Variants in ZNF700 observed in about 807,000 individuals in gnomAD.
The protein encoded by ZNF700 is zinc finger protein 700.
Under a neutral mutation model 65.3 loss-of-function variants are expected in ZNF700, and 38 were observed. The ratio of observed to expected loss-of-function variants is 0.58; its 90% CI spans 0.45 to 0.76. The LOEUF (loss-of-function observed/expected upper bound fraction) is 0.76. Ranked by LOEUF, ZNF700 falls within the 30% of genes least tolerant of loss-of-function variation. The pLI, the probability that ZNF700 is intolerant of heterozygous loss-of-function variation, is 0.00. For synonymous variants in ZNF700, 285 were observed against 290.4 expected, an observed-to-expected ratio of 0.98 and a Z score of 0.19; for missense variants, 857 against 888.4, an observed-to-expected ratio of 0.96 and a Z score of 0.45.
Position 11,949,013 on chromosome 19 carries a change from G to C in ZNF700, c.989G>C (p.Gly330Ala). Residue 330 changes from glycine (G) to alanine (A), a missense_variant, in exon 4 of 4, where the codon GGG becomes GCG. This residue lies in a region of ZNF700 where 603 missense variants were observed against 619.9 expected (regional missense o/e 0.97). Coordinates refer to ENST00000254321, the MANE Select transcript of ZNF700 (RefSeq NM_144566.3). Reference sequence around the variant, plus strand: ...CGTAGACATGAAAGGACCCACTCTGGGAAAAAACCGTATGAATGTAAGCAA... The same window carrying C: ...CGTAGACATGAAAGGACCCACTCTGCGAAAAAACCGTATGAATGTAAGCAA... ...SLRRHERTHSGKKPYECKQYG... is the reference protein window; with the variant it reads ...SLRRHERTHSAKKPYECKQYG... 6.2e-7 allele frequency: 1 copy of C among 1,605,330 alleles called. No individual in the cohort carries two copies. Among genetic ancestry groups the C allele is most frequent in the Non-Finnish European group, 8.5e-7 (1 of 1,178,140 alleles).
chr19:11,950,047 C>T lies in ZNF700; in HGVS notation c.2023C>T (p.Pro675Ser), dbSNP rs1284886612. The T allele has an allele frequency of 1.9e-6, 3 of 1,614,002 alleles. No homozygotes were observed. Among genetic ancestry groups the T allele is most frequent in the Non-Finnish European group, 1.7e-6 (2 of 1,180,016 alleles). Residue 675 changes from proline to serine, a missense_variant, in exon 4 of 4, where the codon CCC (proline) becomes TCC (serine). By Grantham distance (74) the Pro-to-Ser change is moderately conservative. Around this residue, in one of 3 missense-constraint regions of ZNF700, gnomAD observed 251 missense variants for 250.3 expected, o/e 1.00. Coordinates refer to ENST00000254321, the MANE Select transcript of ZNF700 (RefSeq NM_144566.3). Reference sequence around the variant, plus strand: ...TGAAAGGAAGCACAGAGGAGAGAAGCCCTATGAATGTAAGCATTGTGGGAA... The same window carrying T: ...TGAAAGGAAGCACAGAGGAGAGAAGTCCTATGAATGTAAGCATTGTGGGAA... ...IHERKHRGEK[P>S]YECKHCGNGF...
At chr19:11,944,167 G>C (rs115481328) in intron 1 of ZNF700, among the ~76,000 whole-genome samples, 1 of 152,138 alleles carries the variant, frequency 6.6e-6, no homozygotes, top group African/African-American at 2.4e-5. Context: ...GAGATTGTTC[G>C]TGTAATTTTT....
intron 1 of ZNF700, among the ~76,000 whole-genome samples, chr19:11,933,847 A>G (rs60947841): frequency 0.027 from 3,158 of 115,562 alleles, 414 homozygotes; most frequent in African/African-American, 0.12. Flanking sequence ...TCCATCTCAG[A>G]AAAAAAAAAA....
chr19:11,947,021 G>A (rs1972970268), intron 1 of ZNF700, 160 bp from the exon 2 acceptor site: 4 of 1,242,672 alleles, frequency 3.2e-6, no homozygotes, highest in Non-Finnish European at 4.3e-6. Flanking sequence ...TTGCTTTATG[G>A]AAGAAAGTAA....
At chr19:11,936,382 A>G (rs1344439241) in intron 1 of ZNF700, among the ~76,000 whole-genome samples, 1 of 152,184 alleles carries the variant, frequency 6.6e-6, no homozygotes, top group Non-Finnish European at 1.5e-5. Flanking sequence ...TTGCCATTCT[A>G]ACTGGCGTGA....
chr19:11,940,333 G>A (rs549226327), intron 1 of ZNF700, among the ~76,000 whole-genome samples: 13 of 152,250 alleles, frequency 8.5e-5, no homozygotes, highest in Admixed American at 6.5e-5. Flanking sequence ...GGACCCTTGC[G>A]GTGAGTGTTA....
chr19:11,938,914 C>T (rs1972837898), intron 1 of ZNF700, among the ~76,000 whole-genome samples: 1 of 152,112 alleles, frequency 6.6e-6, no homozygotes, highest in South Asian at 2.1e-4. Context: ...TAATGATTGC[C>T]ATTCTAACTG....
chr19:11,944,066 A>G (rs550620096), intron 1 of ZNF700, among the ~76,000 whole-genome samples: 7 of 151,914 alleles, frequency 4.6e-5, no homozygotes, highest in Non-Finnish European at 1.0e-4. Flanking sequence ...AGGGGGCTAC[A>G]TTCCAGTCCT....
intron 1 of ZNF700, among the ~76,000 whole-genome samples, chr19:11,941,982 A>AC (rs71166642): frequency 1 from 152,206 of 152,214 alleles, 76,099 homozygotes; most frequent in Middle Eastern, 1. Context: ...TGCTTATTAC[A>AC]CCTGGTATCT....
chr19:11,950,451 T>A lies in ZNF700; in HGVS notation c.*198T>A. ...CTTCTTTTCAATGTCATGAAAGGAC[T>A]CACACGGGAGAGAAACCCTATGAGT... On this transcript the variant is annotated 3_prime_UTR_variant, in exon 4 of 4. Coordinates refer to ENST00000254321, the MANE Select transcript of ZNF700 (RefSeq NM_144566.3). 1.4e-6 allele frequency: 1 copy of A among 722,224 alleles called. No homozygotes were observed. Among genetic ancestry groups the A allele is most frequent in the Non-Finnish European group, 2.5e-6 (1 of 405,212 alleles). The allele number at this position is 722,224 out of a possible 1,614,324, so 44.7% of individuals were successfully genotyped here.
chr19:11,939,163 C>T (rs8100573), intron 1 of ZNF700, among the ~76,000 whole-genome samples: 11,314 of 152,002 alleles, frequency 0.074, 736 homozygotes, highest in African/African-American at 0.18. Context: ...AAATTTTCTC[C>T]CATTCTATAG....
At chr19:11,930,605 T>C (rs1177635512) in intron 1 of ZNF700, among the ~76,000 whole-genome samples, 1 of 148,740 alleles carries the variant, frequency 6.7e-6, no homozygotes, top group African/African-American at 2.6e-5. Flanking sequence ...GATTGATTAT[T>C]CTCCTGTAGA....
chr19:11,932,153 G>T (rs950677231), intron 1 of ZNF700, among the ~76,000 whole-genome samples: 2 of 146,982 alleles, frequency 1.4e-5, no homozygotes, highest in African/African-American at 2.7e-5. Flanking sequence ...AAATAAATTA[G>T]TCCAGCCTGG....
At chr19:11,928,004 T>C (rs1360390406) in intron 1 of ZNF700, among the ~76,000 whole-genome samples, 1 of 151,962 alleles carries the variant, frequency 6.6e-6, no homozygotes, top group African/African-American at 2.4e-5. Context: ...TACAACAATT[T>C]TTTTTTTTTT....
intron 1 of ZNF700, among the ~76,000 whole-genome samples, chr19:11,930,956 G>A (rs1404188929): frequency 2.1e-5 from 3 of 145,180 alleles, no homozygotes; most frequent in Non-Finnish European, 3.0e-5. Context: ...CCGAGATTGC[G>A]CCATTGCTCT....
At chr19:11,945,474 C>T (rs774331760) in intron 1 of ZNF700, among the ~76,000 whole-genome samples, 1 of 152,124 alleles carries the variant, frequency 6.6e-6, no homozygotes, top group Admixed American at 6.6e-5. Flanking sequence ...TGGCAAAGGA[C>T]TATAATTCCA....
rs978909225 is a variant in ZNF700 at position 11,950,565 on chromosome 19, G to C, written c.*312G>C. On this transcript the variant is annotated 3_prime_UTR_variant, in exon 4 of 4. Transcript: ENST00000254321. ...GCAATGTGGGAAAGCCTTCAGATGT[G>C]CCTCGCACCTTCAACGGCATGGAAG... is the stretch of plus-strand genomic sequence containing the variant. The C allele has an allele frequency of 3.6e-6, 2 of 553,150 alleles. No individual in the cohort carries two copies. The highest frequency in any genetic ancestry group is 5.0e-5 in the Admixed American group (2 of 40,182). The allele number at this position is 553,150 out of a possible 1,614,324, so 34.3% of individuals were successfully genotyped here. A position where few individuals can be genotyped will look rare whatever the true frequency, so the allele number is the denominator to read the frequency against.
chr19:11,926,252 A>C (rs1257647831), intron 1 of ZNF700, among the ~76,000 whole-genome samples: 6 of 152,048 alleles, frequency 3.9e-5, no homozygotes, highest in African/African-American at 1.4e-4. Context: ...TTTCCATTCT[A>C]TCTATTTTTA....
rs146292836 is a variant in ZNF700, at chr19:11,949,023, G to T, written c.999G>T (p.Pro333=). 1.2e-6 allele frequency: 2 copies of T among 1,606,420 alleles called. No homozygotes were observed. The highest frequency in any genetic ancestry group is 2.7e-5 in the African/African-American group (2 of 74,198). ...AAAGGACCCACTCTGGGAAAAAACC[G>T]TATGAATGTAAGCAATATGGGGAAG... The part of the protein sequence containing the change: ...RHERTHSGKK[P]YECKQYGEGL... Residue 333 remains proline, a synonymous_variant, in exon 4 of 4, where the codon CCG becomes CCT. Coordinates refer to ENST00000254321, the MANE Select transcript of ZNF700 (RefSeq NM_144566.3).
Sources: allele counts gnomAD v4.1 joint callset (sites outside exome capture counted in the v4.1 genomes callset), GRCh38; gene constraint gnomAD v4.1.1; regional missense constraint gnomAD v4.1.1; transcripts MANE v1.5; gene names NCBI Gene and HGNC (gene_info 2026-07-23, HGNC 2026-07-21).